Variants in COLGALT2 observed in about 807,000 individuals in gnomAD.
The protein encoded by COLGALT2 is procollagen galactosyltransferase 2.
In COLGALT2, 49 loss-of-function variants were observed where a neutral mutation model predicts 73.4. The ratio of observed to expected loss-of-function variants is 0.67; its 90% CI spans 0.53 to 0.85. COLGALT2 has a LOEUF of 0.85. Among genes scored for constraint, COLGALT2 ranks in the 40% least tolerant of loss-of-function variants. The probability of loss-of-function intolerance (pLI) is 0.00; values close to 1 mark genes in which losing one functional copy is unlikely to be tolerated. For synonymous variants in COLGALT2, 295 were observed against 307.6 expected (o/e 0.96, Z 0.43); for missense variants, 722 against 790.2 (o/e 0.91, Z 1.03).
intron 1 of COLGALT2, among the ~76,000 whole-genome samples, chr1:184,002,404 G>C (rs1041291699): frequency 3.3e-5 from 5 of 152,202 alleles, no homozygotes; most frequent in African/African-American, 1.2e-4. Context: ...GGAGTAGGAG[G>C]CTAGAAGATC....
chr1:183,990,072 A>C (rs1387582075), intron 1 of COLGALT2, among the ~76,000 whole-genome samples: 1 of 152,240 alleles, frequency 6.6e-6, no homozygotes, highest in African/African-American at 2.4e-5. Context: ...ATTTTTTAAG[A>C]ATAAAAGATA....
intron 1 of COLGALT2, among the ~76,000 whole-genome samples, chr1:183,994,026 C>CT (rs869129633): frequency 0.029 from 2,019 of 70,054 alleles, 373 homozygotes; most frequent in Non-Finnish European, 0.039. Context: ...TCTTGTAATT[C>CT]TTTTTTTTTT....
intron 1 of COLGALT2, among the ~76,000 whole-genome samples, chr1:184,021,449 T>C (rs1649179457): frequency 6.6e-6 from 1 of 151,790 alleles, no homozygotes; most frequent in Admixed American, 6.6e-5. Flanking sequence ...AATGAGGGGG[T>C]TTGTTATCAT....
At chr1:183,940,177 T>C (rs1025632690) in intron 11 of COLGALT2, among the ~76,000 whole-genome samples, 16 of 152,174 alleles carry the variant, frequency 1.1e-4, no homozygotes, top group Admixed American at 3.3e-4. Flanking sequence ...TTGTGAGCTA[T>C]GCAAAAATGG....
chr1:183,969,537 T>A, intron 4 of COLGALT2, 64 bp from the exon 5 acceptor site: 6 of 1,397,596 alleles, frequency 4.3e-6, no homozygotes, highest in Non-Finnish European at 5.9e-6. Flanking sequence ...TCTCAGTCAT[T>A]TGCTAGACTG....
chr1:183,954,242 C>A (rs1351735896), intron 7 of COLGALT2, among the ~76,000 whole-genome samples: 4 of 151,230 alleles, frequency 2.6e-5, no homozygotes, highest in Non-Finnish European at 5.9e-5. Flanking sequence ...GAAGTTCTTG[C>A]CTGCTGAAAG....
chr1:183,933,239 G>A (rs367920685), downstream of COLGALT2, among the ~76,000 whole-genome samples: 4 of 152,102 alleles, frequency 2.6e-5, no homozygotes, highest in East Asian at 1.9e-4. Flanking sequence ...TGTCTCCAGC[G>A]ATGGGCTTGC....
At chr1:184,024,054 G>C (rs1054467649) in intron 1 of COLGALT2, among the ~76,000 whole-genome samples, 4 of 152,168 alleles carry the variant, frequency 2.6e-5, no homozygotes, top group African/African-American at 9.7e-5. Flanking sequence ...AAGGAAAAAA[G>C]CTCAAAATGC....
Position 183,937,058 on chromosome 1 carries a change from C to T in COLGALT2, c.*1703G>A, listed in dbSNP as rs558938076. 7.3e-6 allele frequency: 9 copies of T among 1,231,672 alleles called. No individual in the cohort carries two copies. In the East Asian group the frequency reaches 2.5e-4, roughly 35 times the overall value. 76.3% of individuals were successfully genotyped at this position (1,231,672 alleles called of 1,614,324 possible). On this transcript the variant is annotated 3_prime_UTR_variant, in exon 12 of 12. Transcript: ENST00000361927. ...AACCTTAATGTGGCAATCAGTATCA[C>T]ATGGGCAGTGAACTGAAGAATTAGG...
chr1:184,004,225 G>A (rs567600688), intron 1 of COLGALT2, among the ~76,000 whole-genome samples: 4 of 152,056 alleles, frequency 2.6e-5, no homozygotes, highest in Non-Finnish European at 5.9e-5. Context: ...GATGTAAAAG[G>A]TTGTCACTCT....
chr1:184,007,506 G>A (rs540046753), intron 1 of COLGALT2, among the ~76,000 whole-genome samples: 1 of 152,090 alleles, frequency 6.6e-6, no homozygotes, highest in African/African-American at 2.4e-5. Context: ...TTTAAAATAT[G>A]AGAGTATTTT....
intron 1 of COLGALT2, among the ~76,000 whole-genome samples, chr1:183,997,892 T>C (rs1558331024): frequency 6.6e-6 from 1 of 152,268 alleles, no homozygotes; most frequent in African/African-American, 2.4e-5. Context: ...TATTATACTA[T>C]AATTTAGTGA....
chr1:183,940,134 T>A (rs892724833), intron 11 of COLGALT2, among the ~76,000 whole-genome samples: 1 of 152,352 alleles, frequency 6.6e-6, no homozygotes, highest in Non-Finnish European at 1.5e-5. Context: ...TATATCATGA[T>A]GATTTGTTCA....
intron 6 of COLGALT2, 74 bp from the exon 7 acceptor site, chr1:183,954,912 T>C: frequency 8.8e-7 from 1 of 1,135,474 alleles, no homozygotes; most frequent in Admixed American, 1.7e-5. Flanking sequence ...TCCGCATGCC[T>C]GATCTCTAGG....
intron 11 of COLGALT2, among the ~76,000 whole-genome samples, chr1:183,939,489 G>A (rs1353015050): frequency 6.6e-6 from 1 of 152,188 alleles, no homozygotes; most frequent in African/African-American, 2.4e-5. Flanking sequence ...TCACCACTCC[G>A]GTTCCAACAG....
intron 1 of COLGALT2, among the ~76,000 whole-genome samples, chr1:183,980,657 G>C (rs561191342): frequency 4.1e-4 from 63 of 152,156 alleles, no homozygotes; most frequent in African/African-American, 1.3e-3. Flanking sequence ...TATACAGCTT[G>C]TTATCCAGAG....
downstream of COLGALT2, among the ~76,000 whole-genome samples, chr1:183,931,499 G>A (rs539572892): frequency 6.6e-5 from 10 of 152,206 alleles, no homozygotes; most frequent in South Asian, 4.1e-4. Context: ...CTGTAGTCTC[G>A]GGTGTTCCCC....
chr1:183,938,532 T>G lies in COLGALT2; in HGVS notation c.*229A>C. On this transcript the variant is annotated 3_prime_UTR_variant, in exon 12 of 12. Coordinates refer to ENST00000361927, the MANE Select transcript of COLGALT2 (RefSeq NM_015101.4). ...TGGATTACAGTTTATCTTAACAGTT[T>G]CCAAAAAACCTGTCTTTCAGCCGTC... 7.1e-7 allele frequency: 1 copy of G among 1,400,288 alleles called. No individual in the cohort carries two copies. The highest frequency in any genetic ancestry group is 9.3e-7 in the Non-Finnish European group (1 of 1,079,860). The allele number at this position is 1,400,288 out of a possible 1,614,324, so 86.7% of individuals were successfully genotyped here.
intron 1 of COLGALT2, among the ~76,000 whole-genome samples, chr1:184,009,804 T>G (rs1260931583): frequency 6.6e-6 from 1 of 152,352 alleles, no homozygotes; most frequent in Non-Finnish European, 1.5e-5. Context: ...TTTAAAAATC[T>G]GACTTCTCTT....
Sources: gnomAD v4.1 joint callset for allele counts (sites outside exome capture counted in the v4.1 genomes callset) on GRCh38, gnomAD v4.1.1 for gene constraint, MANE v1.5 for transcripts, NCBI Gene and HGNC (gene_info 2026-07-23, HGNC 2026-07-21) for gene names.